RBFOX1: variants seen among roughly 807,000 people sequenced by gnomAD.
RBFOX1 encodes RNA binding fox-1 homolog 1.
In RBFOX1, 8 loss-of-function variants were observed where a neutral mutation model predicts 57.7. The ratio of observed to expected loss-of-function variants is 0.14; its 90% CI spans 0.08 to 0.25. The LOEUF is 0.25. Among genes scored for constraint, RBFOX1 ranks in the 10% least tolerant of loss-of-function variants. The pLI, the probability that RBFOX1 is intolerant of heterozygous loss-of-function variation, is 1.00. For missense variants in RBFOX1, 611 were observed against 548.5 expected, an observed-to-expected ratio of 1.11 and a Z score of -1.14; for synonymous variants, 326 against 222.4, an observed-to-expected ratio of 1.47 and a Z score of -4.15.
At chr16:5,300,502 C>T (rs912406559) in intron 1 of RBFOX1, among the ~76,000 whole-genome samples, 27 of 152,114 alleles carry the variant, frequency 1.8e-4, no homozygotes, top group African/African-American at 4.8e-4. Context: ...CCCCAAAAAC[C>T]AGCTGAGATA....
At chr16:6,132,504 G>T (rs1306723810) in intron 1 of RBFOX1, among the ~76,000 whole-genome samples, 1 of 152,188 alleles carries the variant, frequency 6.6e-6, no homozygotes, top group Non-Finnish European at 1.5e-5. Context: ...GGAGTCACTT[G>T]TTAGTATGGT....
intron 1 of RBFOX1, among the ~76,000 whole-genome samples, chr16:5,305,878 G>A (rs1176084927): frequency 1.3e-5 from 2 of 152,026 alleles, no homozygotes; most frequent in African/African-American, 4.8e-5. Flanking sequence ...GGAACATAGT[G>A]AGACCCCATC....
At chr16:7,402,820 G>C (rs540734000) in intron 4 of RBFOX1, among the ~76,000 whole-genome samples, 1 of 152,256 alleles carries the variant, frequency 6.6e-6, no homozygotes, top group South Asian at 2.1e-4. Context: ...TCTAGAAAGA[G>C]TTGTTATTTA....
At chr16:6,497,590 C>G (rs1175245611) in intron 2 of RBFOX1, among the ~76,000 whole-genome samples, 2 of 151,034 alleles carry the variant, frequency 1.3e-5, no homozygotes, top group African/African-American at 4.9e-5. Context: ...GAGTTTTGCT[C>G]TTGTCACCCA....
At chr16:7,492,534 C>T (rs546046233) in intron 4 of RBFOX1, among the ~76,000 whole-genome samples, 1 of 152,094 alleles carries the variant, frequency 6.6e-6, no homozygotes, top group South Asian at 2.1e-4. Flanking sequence ...CTTAAAACGA[C>T]ACTAAATAAA....
intron 3 of RBFOX1, among the ~76,000 whole-genome samples, chr16:6,785,546 C>A (rs1237382162): frequency 6.6e-6 from 1 of 152,152 alleles, no homozygotes; most frequent in East Asian, 1.9e-4. Context: ...GTTCCTCTTA[C>A]CACTTAAATA....
intron 2 of RBFOX1, among the ~76,000 whole-genome samples, chr16:5,547,836 G>A (rs1747354570): frequency 6.6e-6 from 1 of 152,006 alleles, no homozygotes; most frequent in Admixed American, 6.6e-5. Flanking sequence ...ATAAGTGGGA[G>A]CTAAACATTG....
intron 1 of RBFOX1, among the ~76,000 whole-genome samples, chr16:6,029,690 G>A (rs1301835983): frequency 4.0e-5 from 6 of 148,732 alleles, no homozygotes; most frequent in South Asian, 2.2e-4. Flanking sequence ...GGAGAACGGC[G>A]TGAACATGGG....
At chr16:7,095,706 G>A (rs183278915) in intron 4 of RBFOX1, among the ~76,000 whole-genome samples, 1 of 152,194 alleles carries the variant, frequency 6.6e-6, no homozygotes, top group East Asian at 1.9e-4. Flanking sequence ...GTAGCAATTT[G>A]TTTTTTAATT....
chr16:7,177,851 T>A (rs1489907932), intron 4 of RBFOX1, among the ~76,000 whole-genome samples: 1 of 152,210 alleles, frequency 6.6e-6, no homozygotes, highest in African/African-American at 2.4e-5. Flanking sequence ...GATAAAACTT[T>A]AGTTACAAAA....
At chr16:6,727,710 A>G (rs1369067337) in intron 3 of RBFOX1, among the ~76,000 whole-genome samples, 1 of 152,162 alleles carries the variant, frequency 6.6e-6, no homozygotes, top group African/African-American at 2.4e-5. Context: ...CACCTATCAA[A>G]TGGGCTCACA....
chr16:7,704,064 A>G (rs1229277030), intron 14 of RBFOX1, among the ~76,000 whole-genome samples: 1 of 152,192 alleles, frequency 6.6e-6, no homozygotes, highest in East Asian at 1.9e-4. Flanking sequence ...CTCAGTCAGA[A>G]AACTACTGCT....
chr16:6,372,779 G>A (rs1433000984), intron 2 of RBFOX1, among the ~76,000 whole-genome samples: 1 of 151,978 alleles, frequency 6.6e-6, no homozygotes, highest in African/African-American at 2.4e-5. Context: ...TTGGGTAGGA[G>A]TATTGTTGGG....
intron 1 of RBFOX1, among the ~76,000 whole-genome samples, chr16:5,464,095 A>T (rs2068880280): frequency 6.6e-6 from 1 of 152,080 alleles, no homozygotes; most frequent in African/African-American, 2.4e-5. Flanking sequence ...GGGCTGGGAG[A>T]ACGGGGATGC....
At chr16:5,588,107 C>T (rs368759596) in intron 2 of RBFOX1, among the ~76,000 whole-genome samples, 16 of 152,010 alleles carry the variant, frequency 1.1e-4, no homozygotes, top group African/African-American at 3.6e-4. Context: ...AAGCCAGGCA[C>T]AAAAGACCAT....
chr16:7,514,493 A>AT (rs2075909082), intron 4 of RBFOX1, among the ~76,000 whole-genome samples: 1 of 152,164 alleles, frequency 6.6e-6, no homozygotes. Context: ...TCACAGACAA[A>AT]TAATCAGGCT....
intron 2 of RBFOX1, among the ~76,000 whole-genome samples, chr16:6,529,060 A>C (rs2096620378): frequency 6.6e-6 from 1 of 151,596 alleles, no homozygotes; most frequent in South Asian, 2.1e-4. Context: ...GTTAAAAAAC[A>C]AAAAAACTTC....
intron 2 of RBFOX1, among the ~76,000 whole-genome samples, chr16:6,400,586 A>T (rs180773587): frequency 1.4e-4 from 21 of 152,374 alleles, no homozygotes; most frequent in African/African-American, 5.0e-4. Context: ...AATAGTAAAT[A>T]TAAAAACAGA....
At chr16:6,852,780 G>A (rs2094138939) in intron 3 of RBFOX1, among the ~76,000 whole-genome samples, 1 of 152,018 alleles carries the variant, frequency 6.6e-6, no homozygotes, top group African/African-American at 2.4e-5. Flanking sequence ...TCTGGGAGAG[G>A]TACATGCTGG....
Sources: gnomAD v4.1 joint callset for allele counts (sites outside exome capture counted in the v4.1 genomes callset) on GRCh38, gnomAD v4.1.1 for gene constraint, MANE v1.5 for transcripts, NCBI Gene and HGNC (gene_info 2026-07-23, HGNC 2026-07-21) for gene names.